Variants in CRYBG1 observed in about 807,000 individuals in gnomAD.
CRYBG1 encodes the protein crystallin beta-gamma domain containing 1, also known as beta/gamma crystallin domain-containing protein 1.
A neutral mutation model predicts 189.2 loss-of-function variants in CRYBG1; 139 were observed. The ratio of observed to expected loss-of-function variants is 0.73; its 90% confidence interval spans 0.64 to 0.85. The LOEUF (loss-of-function observed/expected upper bound fraction) is 0.85. Among genes scored for constraint, CRYBG1 ranks in the 40% least tolerant of loss-of-function variants. The probability of loss-of-function intolerance (pLI) is 0.00; values close to 1 mark genes in which losing one functional copy is unlikely to be tolerated. For missense variants in CRYBG1, 2,611 were observed against 2,675.8 expected (o/e 0.98, Z 0.53); for synonymous variants, 1,023 against 1,017.1 (o/e 1.01, Z -0.11).
chr6:106,565,245 C>T (rs563890276), intron 21 of CRYBG1, among the ~76,000 whole-genome samples: 51 of 151,446 alleles, frequency 3.4e-4, no homozygotes, highest in Admixed American at 9.2e-4. Flanking sequence ...CGCGTCAACC[C>T]GGGAGGCGGA....
At chr6:106,554,092 A>G (rs776955439) in intron 16 of CRYBG1, among the ~76,000 whole-genome samples, 43 of 152,202 alleles carry the variant, frequency 2.8e-4, no homozygotes, top group Non-Finnish European at 6.0e-4. Flanking sequence ...CAATTGTTTC[A>G]TGCTGAAACA....
chr6:106,571,388 A>C lies in CRYBG1; in HGVS notation c.*2822A>C, dbSNP rs990479224. 6.6e-5 allele frequency: 10 copies of C among 152,224 alleles called. No individual in the cohort carries two copies. The highest frequency in any genetic ancestry group is 5.2e-4 in the Admixed American group (8 of 15,282). The allele number at this position is 152,224 out of a possible 1,614,324, so 9.4% of individuals were successfully genotyped here. ...ATGCCAACATCCATCTATACACTGA[A>C]AGTTTTAGTATTGTACATTAAGACG... is the stretch of plus-strand genomic sequence containing the variant. On this transcript the variant is annotated 3_prime_UTR_variant, in exon 22 of 22. Coordinates refer to ENST00000633556, the MANE Select transcript of CRYBG1 (RefSeq NM_001371242.2).
chr6:106,509,082 C>G (rs1773191140), intron 2 of CRYBG1, among the ~76,000 whole-genome samples: 1 of 152,162 alleles, frequency 6.6e-6, no homozygotes, highest in Non-Finnish European at 1.5e-5. Context: ...TGGAATTAAG[C>G]CAAGACTCAA....
chr6:106,439,177 G>T (rs1771524630), intron 1 of CRYBG1, among the ~76,000 whole-genome samples: 2 of 151,708 alleles, frequency 1.3e-5, no homozygotes, highest in African/African-American at 4.8e-5. Context: ...AAAATATTTT[G>T]ATCCTTTTCA....
chr6:106,511,045 C>T (rs911136501), intron 2 of CRYBG1, among the ~76,000 whole-genome samples: 3 of 152,162 alleles, frequency 2.0e-5, no homozygotes, highest in African/African-American at 7.2e-5. Context: ...AGTGTGTTTA[C>T]TGCTGCCCCA....
chr6:106,456,319 A>ATTTTTTTTTTT (rs34545384), intron 2 of CRYBG1, among the ~76,000 whole-genome samples: 3 of 142,398 alleles, frequency 2.1e-5, no homozygotes, highest in Non-Finnish European at 1.5e-5. Flanking sequence ...ATGCCCAGCT[A>ATTTTTTTTTTT]TTTTTTTTTT....
At position 106,482,026 on chromosome 6, in the gene CRYBG1, C is replaced by G. The variant is rs867237207; in HGVS notation, c.313-29404C>G. ...AGGTATTTATGTGCGTGATACACTC[C>G]CAGGTTCCTGCTGTCTAGTGTACTT... On this transcript the variant is annotated intron_variant, in intron 2 of 21. Transcript: ENST00000633556. Among the ~76,000 whole-genome samples, 14 of 150,768 alleles carry G rather than the reference C, an allele frequency of 9.3e-5. 1 individual carries two copies. Among genetic ancestry groups the G allele is most frequent in the African/African-American group, 1.2e-4 (5 of 40,866 alleles).
In CRYBG1 at chr6:106,451,561, G is replaced by C. The variant is rs1367800109; in HGVS notation, c.174-133G>C. The C allele has an allele frequency of 1.1e-5, 10 of 903,382 alleles. No individual in the cohort carries two copies. The Admixed American group carries it at 1.3e-4, about 12-fold the overall frequency. The allele number at this position is 903,382 out of a possible 1,614,324, so 56.0% of individuals were successfully genotyped here. On this transcript the variant is annotated intron_variant, in intron 1 of 21. Coordinates refer to ENST00000633556, the MANE Select transcript of CRYBG1 (RefSeq NM_001371242.2). ...GCCAAATTATCTACAACGCCGTGTA[G>C]GTTTTGAAGAATGATTCATTATTTG...
Position 106,489,621 on chromosome 6 carries a change from C to G in CRYBG1, c.313-21809C>G, listed in dbSNP as rs575310026. 1.2e-3 allele frequency among the ~76,000 whole-genome samples: 184 copies of G among 149,136 alleles called. 1 individual carries two copies. The highest frequency in any genetic ancestry group is 5.4e-3 in the Admixed American group (81 of 14,950). On this transcript the variant is annotated intron_variant, in intron 2 of 21. Transcript: ENST00000633556. ...ATCACCTGAGGTCAGGAGTTTGAGACCAGCCTGGCCAACATGGTGAAACCC... is the reference window on the plus strand; with the variant it reads ...ATCACCTGAGGTCAGGAGTTTGAGAGCAGCCTGGCCAACATGGTGAAACCC...
chr6:106,367,416 G>A (rs889532390), intron 1 of CRYBG1, among the ~76,000 whole-genome samples: 39 of 151,540 alleles, frequency 2.6e-4, no homozygotes, highest in African/African-American at 9.7e-5. Flanking sequence ...GTGAAACCCC[G>A]TCTCTACTAA....
rs913564822 is a variant in CRYBG1 at position 106,472,869 on chromosome 6, A to G, written c.312+21037A>G. Among the ~76,000 whole-genome samples the G allele has an allele frequency of 2.7e-5, 4 of 150,198 alleles. No homozygotes were observed. In the Admixed American group the frequency reaches 2.7e-4, roughly 10 times the overall value. On this transcript the variant is annotated intron_variant, in intron 2 of 21. Transcript: ENST00000633556. Reference sequence around the variant, plus strand: ...CAGTGAGCCAAGATTGTGCCACTGCACTCCAGGCTGGGCAACAGAATAAGA... The same window carrying G: ...CAGTGAGCCAAGATTGTGCCACTGCGCTCCAGGCTGGGCAACAGAATAAGA...
At chr6:106,563,646 G>A in intron 20 of CRYBG1, 118 bp from the exon 21 acceptor site, 3 of 1,007,040 alleles carry the variant, frequency 3.0e-6, no homozygotes, top group Non-Finnish European at 4.3e-6. Context: ...GCCTCATGTG[G>A]GGTAAATGAA....
rs531397650 is a variant in CRYBG1, at chr6:106,454,327, C to G, written c.312+2495C>G. Reference sequence around the variant, plus strand: ...GATCATGGCTGAGAGATTTACTGAACCATTAGCTCAGAAGTGCAAGACCCC... The same window carrying G: ...GATCATGGCTGAGAGATTTACTGAAGCATTAGCTCAGAAGTGCAAGACCCC... On this transcript the variant is annotated intron_variant, in intron 2 of 21. Transcript: ENST00000633556. Among the ~76,000 whole-genome samples the G allele has an allele frequency of 1.6e-4, 25 of 152,278 alleles. No individual in the cohort carries two copies. The South Asian group carries it at 5.0e-3, about 30-fold the overall frequency.
In CRYBG1 at chr6:106,521,749, C is replaced by A. The variant is rs911795789; in HGVS notation, c.4245+296C>A. The stretch of plus-strand genomic sequence containing the variant: ...TTTTTTTTTTTTTGAGACAGAGTCT[C>A]GCTCTGTCGCCCAGGCTGGAGTGCA... On this transcript the variant is annotated intron_variant, in intron 4 of 21. Coordinates refer to ENST00000633556, the MANE Select transcript of CRYBG1 (RefSeq NM_001371242.2). Among the ~76,000 whole-genome samples the A allele has an allele frequency of 3.6e-5, 4 of 112,116 alleles. No individual in the cohort carries two copies. The Admixed American group carries it at 3.8e-4, about 11-fold the overall frequency. The allele number at this position is 112,116 out of a possible 152,430, so 73.6% of individuals were successfully genotyped here.
At chr6:106,443,705 A>G (rs7758113) in intron 1 of CRYBG1, among the ~76,000 whole-genome samples, 2,838 of 149,380 alleles carry the variant, frequency 0.019, 85 homozygotes, top group African/African-American at 0.068. Context: ...CTATAACCAC[A>G]TAATTTTTTT....
At chr6:106,363,168 C>T (rs1026469848) in intron 1 of CRYBG1, among the ~76,000 whole-genome samples, 4 of 142,956 alleles carry the variant, frequency 2.8e-5, no homozygotes, top group Admixed American at 1.5e-4. Flanking sequence ...GGCGTGAACC[C>T]GGGAGGCGGA....
chr6:106,364,431 A>G (rs1771942681), intron 1 of CRYBG1, among the ~76,000 whole-genome samples: 1 of 152,232 alleles, frequency 6.6e-6, no homozygotes, highest in African/African-American at 2.4e-5. Flanking sequence ...GGCTTTTGGT[A>G]TAGACATTCT....
chr6:106,445,907 TTATTTCTGGA>T (rs1771655688), intron 1 of CRYBG1, among the ~76,000 whole-genome samples: 1 of 152,216 alleles, frequency 6.6e-6, no homozygotes, highest in Non-Finnish European at 1.5e-5. Flanking sequence ...GGGTTTTGTT[TTATTTCTGGA>T]GATGGGAGAG....
intron 2 of CRYBG1, among the ~76,000 whole-genome samples, chr6:106,495,831 A>AC (rs1307100019): frequency 6.6e-6 from 1 of 150,960 alleles, no homozygotes; most frequent in African/African-American, 2.4e-5. Context: ...AAAAAAAAAA[A>AC]AAAAAACAAC....
Sources: gnomAD v4.1 joint callset for allele counts (sites outside exome capture counted in the v4.1 genomes callset) on GRCh38, gnomAD v4.1.1 for gene constraint, MANE v1.5 for transcripts, NCBI Gene and HGNC (gene_info 2026-07-23, HGNC 2026-07-21) for gene names.